Variants in FARS2 observed in about 807,000 individuals in gnomAD.
FARS2 encodes phenylalanyl-tRNA synthetase 2, mitochondrial.
A neutral mutation model predicts 46.4 loss-of-function variants in FARS2; 40 were observed. That is an observed-to-expected ratio of 0.86 (90% CI 0.67 to 1.12). The LOEUF is 1.12. Among genes scored for constraint, FARS2 ranks in the 50% most tolerant of loss-of-function variants. The pLI is 0.00. For missense variants in FARS2, 513 were observed against 567.9 expected, an observed-to-expected ratio of 0.90 and a Z score of 0.98; for synonymous variants, 234 against 214.9, an observed-to-expected ratio of 1.09 and a Z score of -0.78.
At chr6:5,495,411 A>C (rs1318673194) in intron 4 of FARS2, among the ~76,000 whole-genome samples, 1 of 152,196 alleles carries the variant, frequency 6.6e-6, no homozygotes, top group Non-Finnish European at 1.5e-5. Flanking sequence ...GAAATTGTAC[A>C]TGGGGCTTTG....
chr6:5,301,236 C>T (rs1768275817), intron 1 of FARS2, among the ~76,000 whole-genome samples: 2 of 152,098 alleles, frequency 1.3e-5, no homozygotes, highest in Admixed American at 1.3e-4. Flanking sequence ...AGAAATGAGG[C>T]ACTTACTTTT....
chr6:5,367,095 A>G (rs985333269), intron 1 of FARS2, among the ~76,000 whole-genome samples: 5 of 152,244 alleles, frequency 3.3e-5, no homozygotes, highest in Admixed American at 2.0e-4. Context: ...CTAAGAAGCA[A>G]TCACACACAA....
At chr6:5,632,458 G>A (rs892285095) in intron 6 of FARS2, among the ~76,000 whole-genome samples, 2 of 151,644 alleles carry the variant, frequency 1.3e-5, no homozygotes, top group African/African-American at 4.8e-5. Flanking sequence ...GCAATTCAGT[G>A]ATACTTAATG....
intron 3 of FARS2, among the ~76,000 whole-genome samples, chr6:5,416,516 C>A (rs1220467223): frequency 6.6e-6 from 1 of 152,184 alleles, no homozygotes; most frequent in Non-Finnish European, 1.5e-5. Context: ...TGACACAATA[C>A]TTCACTGTCT....
At chr6:5,523,275 A>G (rs546528985) in intron 4 of FARS2, among the ~76,000 whole-genome samples, 75 of 152,302 alleles carry the variant, frequency 4.9e-4, no homozygotes, top group African/African-American at 1.7e-3. Context: ...CTGCACGGGC[A>G]TAGAAGCTTG....
intron 6 of FARS2, among the ~76,000 whole-genome samples, chr6:5,746,452 G>T (rs1761647301): frequency 2.0e-5 from 3 of 152,130 alleles, no homozygotes; most frequent in Admixed American, 6.6e-5. Context: ...TGTCCCCATT[G>T]TCTTTGAGGT....
chr6:5,303,238 A>G (rs1581733724), intron 1 of FARS2, among the ~76,000 whole-genome samples: 1 of 149,464 alleles, frequency 6.7e-6, no homozygotes, highest in South Asian at 2.1e-4. Flanking sequence ...TAGAGGAGAG[A>G]AAAGAACTTG....
At chr6:5,610,306 CTTT>C in intron 5 of FARS2, 1 of 290,446 alleles carries the variant, frequency 3.4e-6, no homozygotes, top group African/African-American at 2.4e-5. Context: ...CTTTTCAATT[CTTT>C]TTAAAAAAAA....
upstream of FARS2, among the ~76,000 whole-genome samples, chr6:5,257,714 G>A (rs979659390): frequency 2.6e-5 from 4 of 152,164 alleles, no homozygotes; most frequent in Non-Finnish European, 4.4e-5. Context: ...TGCTCCTTAT[G>A]AGAATCTAAT....
intron 4 of FARS2, among the ~76,000 whole-genome samples, chr6:5,466,115 G>A (rs868090172): frequency 5.3e-5 from 8 of 152,254 alleles, no homozygotes; most frequent in Middle Eastern, 3.4e-3. Flanking sequence ...TGGGTAATGC[G>A]TAGCTCTCTG....
At position 5,341,223 on chromosome 6, in the gene FARS2, A is replaced by T. The variant is rs1341838974; in HGVS notation, c.-21-27327A>T. 1.1e-3 allele frequency among the ~76,000 whole-genome samples: 6 copies of T among 5,294 alleles called. 1 individual carries two copies. Among genetic ancestry groups the T allele is most frequent in the African/African-American group, 4.1e-3 (6 of 1,466 alleles). The allele number at this position is 5,294 out of a possible 152,430, so 3.5% of individuals were successfully genotyped here. ...TATATATATATATATATATATATAT[A>T]TATATATATATATTTTTTTTTTTTT... On this transcript the variant is annotated intron_variant, in intron 1 of 6. Coordinates refer to ENST00000274680, the MANE Select transcript of FARS2 (RefSeq NM_006567.5).
intron 3 of FARS2, among the ~76,000 whole-genome samples, chr6:5,408,552 C>T (rs1013790789): frequency 6.6e-6 from 1 of 152,128 alleles, no homozygotes; most frequent in African/African-American, 2.4e-5. Flanking sequence ...ACTCTGAAGT[C>T]CTGAACAGGT....
chr6:5,620,014 C>T (rs760966638), intron 6 of FARS2, among the ~76,000 whole-genome samples: 13 of 152,128 alleles, frequency 8.5e-5, no homozygotes, highest in South Asian at 2.1e-4. Context: ...GACGAGTTTT[C>T]GGCCCTTACA....
intron 6 of FARS2, among the ~76,000 whole-genome samples, chr6:5,751,025 G>C (rs1761915155): frequency 6.6e-6 from 1 of 152,078 alleles, no homozygotes; most frequent in Non-Finnish European, 1.5e-5. Context: ...GCGGGTTTTG[G>C]GGGGCTGGGC....
At chr6:5,466,570 T>C in intron 4 of FARS2, 1 of 985,436 alleles carries the variant, frequency 1.0e-6, no homozygotes, top group Non-Finnish European at 1.2e-6. Context: ...CTTGTTTCAG[T>C]TTCACATCAA....
At chr6:5,502,309 G>T (rs1026153613) in intron 4 of FARS2, among the ~76,000 whole-genome samples, 1 of 152,194 alleles carries the variant, frequency 6.6e-6, no homozygotes, top group African/African-American at 2.4e-5. Context: ...TAGATGCAGA[G>T]AATAGTTTGG....
intron 6 of FARS2, among the ~76,000 whole-genome samples, chr6:5,714,246 A>G (rs565187344): frequency 1.3e-5 from 2 of 152,208 alleles, no homozygotes; most frequent in Non-Finnish European, 2.9e-5. Context: ...GGACCCAGGC[A>G]GAAGGCAATG....
intron 4 of FARS2, among the ~76,000 whole-genome samples, chr6:5,457,274 C>T (rs1227657554): frequency 6.6e-6 from 1 of 152,208 alleles, no homozygotes; most frequent in Non-Finnish European, 1.5e-5. Context: ...GGTCAGGGGG[C>T]ATGGGTATTG....
At chr6:5,285,343 A>T (rs139974597) in intron 1 of FARS2, among the ~76,000 whole-genome samples, 1 of 152,132 alleles carries the variant, frequency 6.6e-6, no homozygotes. Flanking sequence ...AGAGAGACTG[A>T]TGGGGGAACA....
Sources: allele counts gnomAD v4.1 joint callset (sites outside exome capture counted in the v4.1 genomes callset), GRCh38; gene constraint gnomAD v4.1.1; transcripts MANE v1.5; gene names NCBI Gene and HGNC (gene_info 2026-07-23, HGNC 2026-07-21).